BRD8: variants seen among roughly 807,000 people sequenced by gnomAD.
BRD8 encodes the protein bromodomain containing 8.
BRD8 carries 67 observed loss-of-function variants against 143.1 expected under a neutral mutation model. The ratio of observed to expected loss-of-function variants is 0.47; its 90% CI spans 0.38 to 0.57. The LOEUF is 0.57. BRD8 is among the 20% of genes least tolerant of loss of function. The pLI is 0.00. For missense variants in BRD8, 1,103 were observed against 1,503.0 expected (o/e 0.73, Z 4.40); for synonymous variants, 505 against 517.1 (o/e 0.98, Z 0.32).
In BRD8 at chr5:138,153,604, T is replaced by C. The variant is rs956696794; in HGVS notation, c.2578-844A>G. ...TAACATTTCTAAAATAAAAATCACA[T>C]TTCCTTTATCTCCAAAATCACTGCT... On this transcript the variant is annotated intron_variant, in intron 20 of 26. Coordinates refer to ENST00000254900, the MANE Select transcript of BRD8 (RefSeq NM_139199.2). Among the ~76,000 whole-genome samples, 200 of 152,120 alleles carry C rather than the reference T, an allele frequency of 1.3e-3. 1 individual carries two copies. The highest frequency in any genetic ancestry group is 4.4e-3 in the African/African-American group (184 of 41,536).
chr5:138,151,506 T>G (rs1752366888), intron 21 of BRD8, among the ~76,000 whole-genome samples: 1 of 152,212 alleles, frequency 6.6e-6, no homozygotes, highest in Non-Finnish European at 1.5e-5. Context: ...ACCTTAAAGT[T>G]ACAGCATTTT....
chr5:138,172,334 C>T (rs1753932605), intron 2 of BRD8, among the ~76,000 whole-genome samples, 200 bp from the exon 3 acceptor site: 1 of 150,732 alleles, frequency 6.6e-6, no homozygotes, highest in Non-Finnish European at 1.5e-5. Flanking sequence ...ACCAACCTGG[C>T]CAACATGGTG....
At chr5:138,152,394 T>C in intron 21 of BRD8, 88 bp downstream of exon 21, 1 of 1,520,612 alleles carries the variant, frequency 6.6e-7, no homozygotes, top group Non-Finnish European at 8.9e-7. Flanking sequence ...TAGTAAACAA[T>C]ATTAAGAGTG....
intron 8 of BRD8, among the ~76,000 whole-genome samples, chr5:138,169,013 G>A (rs1266733259): frequency 6.6e-6 from 1 of 152,130 alleles, no homozygotes; most frequent in African/African-American, 2.4e-5. Context: ...TCTTAAAATA[G>A]TTTTTTACCT....
At chr5:138,146,446 G>C (rs542972446) in intron 23 of BRD8, among the ~76,000 whole-genome samples, 13 of 148,298 alleles carry the variant, frequency 8.8e-5, no homozygotes, top group African/African-American at 3.2e-4. Flanking sequence ...GCCTCAACCT[G>C]CTGGGCTCAA....
chr5:138,149,271 C>T (rs927854116), intron 23 of BRD8, among the ~76,000 whole-genome samples: 2 of 151,664 alleles, frequency 1.3e-5, no homozygotes, highest in African/African-American at 2.4e-5. Flanking sequence ...GACACCATAC[C>T]TGGCTAATTT....
At position 138,140,185 on chromosome 5, in the gene BRD8, C is replaced by T. The variant is rs1249429006; in HGVS notation, c.3616-19G>A. On this transcript the variant is annotated intron_variant, in intron 26 of 26. Coordinates refer to ENST00000254900, the MANE Select transcript of BRD8 (RefSeq NM_139199.2). Reference sequence around the variant, plus strand: ...TCAGTACCTAAAGGGTTAAGGAACACATAGCAAGCTATTATGAACCTTAAA... The same window carrying T: ...TCAGTACCTAAAGGGTTAAGGAACATATAGCAAGCTATTATGAACCTTAAA... The T allele has an allele frequency of 5.8e-6, 9 of 1,552,954 alleles. No homozygotes were observed. Among genetic ancestry groups the T allele is most frequent in the Admixed American group, 1.7e-5 (1 of 59,636 alleles).
intron 25 of BRD8, among the ~76,000 whole-genome samples, chr5:138,142,928 T>C (rs1751972226): frequency 6.6e-6 from 1 of 151,796 alleles, no homozygotes; most frequent in Non-Finnish European, 1.5e-5. Flanking sequence ...TCCTCCTCAG[T>C]GATATTCTGA....
In BRD8 at chr5:138,164,879, G is replaced by A. The variant is rs766077957; in HGVS notation, c.1566C>T (p.Ala522=). 1.5e-5 allele frequency: 25 copies of A among 1,614,062 alleles called. No individual in the cohort carries two copies. In the East Asian group the frequency reaches 1.8e-4, roughly 12 times the overall value. ...PAEPEPVISG[A]EIVAGVVPAT... is the part of the protein sequence containing the mutation. ...CTGGAACAACTCCAGCTACTATTTC[G>A]GCTCCTGAAATGACTGGCTCTGGTT... Residue 522 remains alanine (A), a synonymous_variant, in exon 12 of 27, where the codon GCC becomes GCT. Coordinates refer to ENST00000254900, the MANE Select transcript of BRD8 (RefSeq NM_139199.2).
intron 24 of BRD8, 107 bp from the exon 25 acceptor site, chr5:138,145,352 T>C (rs1752106147): frequency 1.1e-6 from 1 of 881,728 alleles, no homozygotes; most frequent in Admixed American, 2.6e-5. Flanking sequence ...ATGCAGACTG[T>C]CAGCACCATT....
At chr5:138,168,825 C>A in intron 8 of BRD8, 1 of 618,254 alleles carries the variant, frequency 1.6e-6, no homozygotes, top group Non-Finnish European at 2.8e-6. Flanking sequence ...ATCCCTCCTG[C>A]TCTTAGCCAT....
At position 138,168,070 on chromosome 5, in the gene BRD8, C is replaced by G. The variant is rs752103194; in HGVS notation, c.651G>C (p.Glu217Asp). 6.2e-7 allele frequency: 1 copy of G among 1,611,740 alleles called. No individual in the cohort carries two copies. Among genetic ancestry groups the G allele is most frequent in the Admixed American group, 1.7e-5 (1 of 59,720 alleles). The change falls in exon 9 of 27, where the codon GAG becomes GAC. Residue 217 changes from glutamate to aspartate, a missense_variant. Physicochemically the swap from Glu to Asp is conservative, Grantham distance 45. This residue lies in a region of BRD8 where 334 missense variants were observed against 372.5 expected (regional missense o/e 0.90). Transcript: ENST00000254900. The part of the protein sequence containing the change: ...TMEEATSGVN[E>D]SEMAVASGHL... ...GGCCAGAAGCCACAGCCATTTCACT[C>G]TCATTGACCTACCAGGGAAGAATAG...
intron 12 of BRD8, 60 bp from the exon 13 acceptor site, chr5:138,164,473 C>T: frequency 6.7e-7 from 1 of 1,501,818 alleles, no homozygotes. Context: ...GCTCACACAA[C>T]TTTATTCTTC....
In BRD8 at chr5:138,164,383, G is replaced by C; in HGVS notation, c.1762C>G (p.His588Asp). 6.2e-7 allele frequency: 1 copy of C among 1,614,162 alleles called. No homozygotes were observed. The highest frequency in any genetic ancestry group is 8.5e-7 in the Non-Finnish European group (1 of 1,180,004). ...ASPESMLSPS[H>D]GSNPIEDPLE... The stretch of plus-strand genomic sequence containing the variant: ...GGATCTTCAATGGGATTTGAGCCAT[G>C]TGATGGAGACAACATGCTTTCAGGG... Residue 588 changes from histidine to aspartate, a missense_variant, in exon 13 of 27, where the codon CAT (histidine) becomes GAT (aspartate). Physicochemically the swap from His to Asp is moderately conservative, Grantham distance 81. This residue lies in a region of BRD8 where 139 missense variants were observed against 139.0 expected (regional missense o/e 1.00). Coordinates refer to ENST00000254900, the MANE Select transcript of BRD8 (RefSeq NM_139199.2).
chr5:138,164,444 G>A, intron 12 of BRD8, 31 bp from the exon 13 acceptor site: 2 of 1,586,188 alleles, frequency 1.3e-6, no homozygotes, highest in Middle Eastern at 3.3e-4. Context: ...AACACCCTAA[G>A]TACTGATAAA....
At chr5:138,145,750 A>G (rs1426854375) in intron 24 of BRD8, 39 bp downstream of exon 24, 1 of 1,533,350 alleles carries the variant, frequency 6.5e-7, no homozygotes. Context: ...TTACTGCTTC[A>G]GCTCTGAACA....
intron 23 of BRD8, among the ~76,000 whole-genome samples, chr5:138,146,294 G>C (rs1183160788): frequency 2.6e-5 from 4 of 151,206 alleles, no homozygotes; most frequent in South Asian, 2.1e-4. Context: ...CTGGCCTTAA[G>C]TGATCCACCC....
At chr5:138,151,615 A>G (rs926959321) in intron 21 of BRD8, among the ~76,000 whole-genome samples, 1 of 152,228 alleles carries the variant, frequency 6.6e-6, no homozygotes, top group Non-Finnish European at 1.5e-5. Flanking sequence ...CCAGGCCCCT[A>G]ATGACTGAAG....
intron 15 of BRD8, 122 bp from the exon 16 acceptor site, chr5:138,162,268 T>C (rs974066675): frequency 2.1e-5 from 15 of 716,710 alleles, no homozygotes; most frequent in South Asian, 1.5e-4. Flanking sequence ...GGCATGATCA[T>C]GTTCATTGCA....
Sources: gnomAD v4.1 joint callset for allele counts (sites outside exome capture counted in the v4.1 genomes callset) on GRCh38, gnomAD v4.1.1 for gene constraint, gnomAD v4.1.1 regional missense constraint, MANE v1.5 for transcripts, NCBI Gene and HGNC (gene_info 2026-07-23, HGNC 2026-07-21) for gene names.